The following CDH18 variants were observed in gnomAD, a reference collection of about 807,000 sequenced individuals.
CDH18 encodes cadherin-18.
A neutral mutation model predicts 67.9 loss-of-function variants in CDH18; 31 were observed. The ratio of observed to expected loss-of-function variants is 0.46; its 90% CI spans 0.34 to 0.62. CDH18 has a LOEUF of 0.62. Among genes scored for constraint, CDH18 ranks in the 20% least tolerant of loss-of-function variants. The pLI, the probability that CDH18 is intolerant of heterozygous loss-of-function variation, is 0.01. For missense variants in CDH18, 890 were observed against 975.5 expected, an observed-to-expected ratio of 0.91 and a Z score of 1.17; for synonymous variants, 362 against 347.2, an observed-to-expected ratio of 1.04 and a Z score of -0.48.
intron 2 of CDH18, among the ~76,000 whole-genome samples, chr5:20,234,234 C>T (rs1358061632): frequency 6.6e-6 from 1 of 152,058 alleles, no homozygotes; most frequent in African/African-American, 2.4e-5. Flanking sequence ...CCATAGATAC[C>T]TGGGCTAAAC....
intron 2 of CDH18, among the ~76,000 whole-genome samples, chr5:20,056,581 T>C (rs533065676): frequency 4.8e-5 from 7 of 145,878 alleles, no homozygotes; most frequent in Admixed American, 2.8e-4. Flanking sequence ...TATCAAATGA[T>C]CTTTGTCCTC....
At chr5:20,162,442 T>A (rs1580377225) in intron 2 of CDH18, among the ~76,000 whole-genome samples, 1 of 147,670 alleles carries the variant, frequency 6.8e-6, no homozygotes, top group East Asian at 2.0e-4. Flanking sequence ...TTATATATAA[T>A]GTATATATAT....
chr5:20,031,727 G>C (rs899602161), intron 2 of CDH18, among the ~76,000 whole-genome samples: 9 of 152,008 alleles, frequency 5.9e-5, no homozygotes, highest in African/African-American at 1.7e-4. Context: ...TAGAGACTAA[G>C]AATAGAATAA....
intron 11 of CDH18, among the ~76,000 whole-genome samples, chr5:19,498,871 G>T (rs1742774477): frequency 6.6e-6 from 1 of 152,108 alleles, no homozygotes; most frequent in Admixed American, 6.6e-5. Flanking sequence ...TCATTCAGTT[G>T]TCAAGTTACG....
chr5:20,502,564 G>A (rs1378940995), intron 1 of CDH18, among the ~76,000 whole-genome samples: 1 of 152,118 alleles, frequency 6.6e-6, no homozygotes. Context: ...AATAGATGCT[G>A]TTTTTATTTT....
At chr5:19,843,353 C>T (rs1161329939) in intron 2 of CDH18, among the ~76,000 whole-genome samples, 4 of 152,164 alleles carry the variant, frequency 2.6e-5, no homozygotes, top group Non-Finnish European at 4.4e-5. Context: ...GTGCAAGCAC[C>T]GAGCCTTCCA....
intron 2 of CDH18, among the ~76,000 whole-genome samples, chr5:19,923,518 T>A (rs542575281): frequency 6.6e-6 from 1 of 152,322 alleles, no homozygotes; most frequent in South Asian, 2.1e-4. Flanking sequence ...TTTCCATTCT[T>A]AGTGCACCTC....
intron 2 of CDH18, among the ~76,000 whole-genome samples, chr5:20,055,893 G>C (rs1476028236): frequency 6.6e-6 from 1 of 151,162 alleles, no homozygotes; most frequent in Non-Finnish European, 1.5e-5. Flanking sequence ...ATGAGCAATA[G>C]CTACTGCTGT....
At chr5:20,125,563 C>T (rs1209207057) in intron 2 of CDH18, among the ~76,000 whole-genome samples, 1 of 152,054 alleles carries the variant, frequency 6.6e-6, no homozygotes, top group East Asian at 1.9e-4. Context: ...AGTAACCTTC[C>T]ATGAAAAAAG....
At chr5:20,388,294 G>T (rs1332360787) in intron 1 of CDH18, among the ~76,000 whole-genome samples, 1 of 152,130 alleles carries the variant, frequency 6.6e-6, no homozygotes, top group African/African-American at 2.4e-5. Flanking sequence ...GTTTAGTCTT[G>T]GGAGGGTGTA....
intron 5 of CDH18, among the ~76,000 whole-genome samples, chr5:19,710,181 T>C (rs1055200751): frequency 2.6e-5 from 4 of 152,114 alleles, no homozygotes; most frequent in African/African-American, 9.7e-5. Flanking sequence ...CTTCTCTTAT[T>C]CAGACATTCA....
chr5:20,351,629 T>C (rs1005264496), intron 1 of CDH18, among the ~76,000 whole-genome samples: 20 of 151,802 alleles, frequency 1.3e-4, no homozygotes, highest in Non-Finnish European at 1.5e-5. Context: ...AAAATACAAT[T>C]TTGGTAAATG....
intron 2 of CDH18, among the ~76,000 whole-genome samples, chr5:19,921,456 G>A (rs187613932): frequency 6.6e-5 from 10 of 151,776 alleles, no homozygotes; most frequent in South Asian, 6.3e-4. Flanking sequence ...GTGTGAACCC[G>A]GGAGGCAGAG....
At chr5:20,204,609 T>A in intron 2 of CDH18, among the ~76,000 whole-genome samples, 1 of 152,104 alleles carries the variant, frequency 6.6e-6, no homozygotes, top group South Asian at 2.1e-4. Flanking sequence ...TATTCTAATA[T>A]CATAATTATA....
intron 2 of CDH18, among the ~76,000 whole-genome samples, chr5:20,218,820 T>C (rs1740987728): frequency 6.6e-6 from 1 of 151,988 alleles, no homozygotes; most frequent in East Asian, 1.9e-4. Context: ...GTTAAACTTC[T>C]TTATTATCAG....
intron 1 of CDH18, among the ~76,000 whole-genome samples, chr5:20,359,082 C>T (rs747995896): frequency 6.6e-6 from 1 of 151,914 alleles, no homozygotes. Context: ...CAGGAGTGTG[C>T]CACCATGCCT....
At chr5:19,622,894 C>G (rs552166304) in intron 5 of CDH18, among the ~76,000 whole-genome samples, 1 of 152,264 alleles carries the variant, frequency 6.6e-6, no homozygotes, top group African/African-American at 2.4e-5. Flanking sequence ...ACAATCCCTG[C>G]TAAATTTCCT....
intron 11 of CDH18, chr5:19,502,537 A>G (rs902900659): frequency 4.1e-6 from 1 of 243,980 alleles, no homozygotes; most frequent in African/African-American, 2.2e-5. Context: ...ATTTTGGACA[A>G]TGCTTATAAT....
chr5:19,683,113 C>T lies in CDH18; in HGVS notation c.643+38234G>A, dbSNP rs575217440. Reference sequence around the variant, plus strand: ...AAGTTCAACATATAACTCTATCTATCTATCTATCTATCTAGACTTTAAATT... The same window carrying T: ...AAGTTCAACATATAACTCTATCTATTTATCTATCTATCTAGACTTTAAATT... On this transcript the variant is annotated intron_variant, in intron 5 of 12. Transcript: ENST00000382275. Among the ~76,000 whole-genome samples, 24 of 151,930 alleles carry T rather than the reference C, an allele frequency of 1.6e-4. No individual in the cohort carries two copies. In the East Asian group the frequency reaches 4.1e-3, roughly 26 times the overall value.
Sources: gnomAD v4.1 joint callset for allele counts (sites outside exome capture counted in the v4.1 genomes callset) on GRCh38, gnomAD v4.1.1 for gene constraint, MANE v1.5 for transcripts, NCBI Gene and HGNC (gene_info 2026-07-23, HGNC 2026-07-21) for gene names.